Variants in GAB2 observed in about 807,000 individuals in gnomAD.
GAB2 encodes the protein GRB2 associated binding protein 2.
A neutral mutation model predicts 65.5 loss-of-function variants in GAB2; 26 were observed. That is an observed-to-expected ratio of 0.40 (90% CI 0.29 to 0.55). GAB2 has a LOEUF of 0.55. GAB2 is among the 20% of genes least tolerant of loss of function. The probability of loss-of-function intolerance (pLI) is 0.53; values close to 1 mark genes in which losing one functional copy is unlikely to be tolerated. For synonymous variants in GAB2, 321 were observed against 329.6 expected (o/e 0.97, Z 0.28); for missense variants, 884 against 875.8 (o/e 1.01, Z -0.12).
intron 2 of GAB2, among the ~76,000 whole-genome samples, chr11:78,261,737 A>C (rs928545431): frequency 3.9e-5 from 6 of 152,202 alleles, no homozygotes; most frequent in African/African-American, 1.4e-4. Flanking sequence ...GGCCAGCCCC[A>C]AAGGGTGGCC....
In GAB2 at chr11:78,364,529, C is replaced by G. The variant is rs562947594; in HGVS notation, c.75+53117G>C. ...TATTTTACTTTGAAAATACTGGTAG[C>G]AACTCATTACCATTGATTTCATCAC... On this transcript the variant is annotated intron_variant, in intron 1 of 9. Coordinates refer to ENST00000361507, the MANE Select transcript of GAB2 (RefSeq NM_080491.3). Among the ~76,000 whole-genome samples, 6 of 152,286 alleles carry G rather than the reference C, an allele frequency of 3.9e-5. No individual in the cohort carries two copies. In the East Asian group the frequency reaches 1.2e-3, roughly 29 times the overall value.
intron 2 of GAB2, among the ~76,000 whole-genome samples, chr11:78,272,365 A>C (rs969087445): frequency 1.3e-5 from 2 of 152,218 alleles, no homozygotes; most frequent in East Asian, 3.8e-4. Flanking sequence ...CATGGACAAT[A>C]AAGTCCAGGC....
At chr11:78,321,801 A>G (rs1855728992) in intron 1 of GAB2, among the ~76,000 whole-genome samples, 1 of 152,130 alleles carries the variant, frequency 6.6e-6, no homozygotes, top group African/African-American at 2.4e-5. Context: ...AGACATGTAG[A>G]CCAATGGAAC....
At chr11:78,371,078 G>A (rs958291391) in intron 1 of GAB2, among the ~76,000 whole-genome samples, 3 of 152,162 alleles carry the variant, frequency 2.0e-5, no homozygotes, top group Non-Finnish European at 2.9e-5. Context: ...GTTAGAAAAC[G>A]TGGCAAAAGC....
chr11:78,286,604 T>C (rs1866491809), intron 1 of GAB2, among the ~76,000 whole-genome samples: 1 of 150,632 alleles, frequency 6.6e-6, no homozygotes, highest in Non-Finnish European at 1.5e-5. Flanking sequence ...ATTCCATGAA[T>C]ATGTTAATTT....
At chr11:78,393,575 AT>A (rs1856859644) in intron 1 of GAB2, among the ~76,000 whole-genome samples, 1 of 152,240 alleles carries the variant, frequency 6.6e-6, no homozygotes, top group Non-Finnish European at 1.5e-5. Context: ...GGTATGATGC[AT>A]CAAAAAGCCT....
chr11:78,376,100 C>T (rs1009724137), intron 1 of GAB2, among the ~76,000 whole-genome samples: 2 of 152,180 alleles, frequency 1.3e-5, no homozygotes, highest in African/African-American at 4.8e-5. Flanking sequence ...CATATGTATA[C>T]GAACAGGACC....
intron 1 of GAB2, among the ~76,000 whole-genome samples, chr11:78,357,566 A>C (rs1249444309): frequency 6.6e-6 from 1 of 152,228 alleles, no homozygotes. Flanking sequence ...ACAAATTTAC[A>C]AGAAAAAAAC....
intron 1 of GAB2, among the ~76,000 whole-genome samples, chr11:78,416,342 C>CG (rs1279324699): frequency 6.6e-6 from 1 of 152,170 alleles, no homozygotes; most frequent in Non-Finnish European, 1.5e-5. Context: ...ACTTGTACTC[C>CG]GCAACAACAA....
At chr11:78,266,344 A>G (rs900940507) in intron 2 of GAB2, among the ~76,000 whole-genome samples, 20 of 151,740 alleles carry the variant, frequency 1.3e-4, no homozygotes, top group Non-Finnish European at 2.5e-4. Flanking sequence ...TCCTCCCCCA[A>G]TCCCAATCCC....
At chr11:78,241,547 C>G (rs984042079) in intron 3 of GAB2, among the ~76,000 whole-genome samples, 1 of 150,842 alleles carries the variant, frequency 6.6e-6, no homozygotes, top group African/African-American at 2.4e-5. Flanking sequence ...AGAAAACACA[C>G]ACAATTCAAA....
At chr11:78,228,792 A>C (rs1295135873) in intron 3 of GAB2, among the ~76,000 whole-genome samples, 1 of 148,226 alleles carries the variant, frequency 6.7e-6, no homozygotes, top group Non-Finnish European at 1.5e-5. Context: ...ATGATTGAAC[A>C]TCTAGGCTTT....
intron 1 of GAB2, among the ~76,000 whole-genome samples, chr11:78,406,034 T>G (rs1857039798): frequency 6.6e-6 from 1 of 152,176 alleles, no homozygotes; most frequent in African/African-American, 2.4e-5. Context: ...TCAGAGGTTG[T>G]CATGAGGCCA....
chr11:78,370,130 G>A (rs982480138), intron 1 of GAB2, among the ~76,000 whole-genome samples: 25 of 150,176 alleles, frequency 1.7e-4, no homozygotes, highest in African/African-American at 6.1e-4. Flanking sequence ...AGTGGCGGGC[G>A]CCTGTAGTCC....
At chr11:78,411,806 CG>C (rs1857132803) in intron 1 of GAB2, among the ~76,000 whole-genome samples, 1 of 151,342 alleles carries the variant, frequency 6.6e-6, no homozygotes, top group Non-Finnish European at 1.5e-5. Flanking sequence ...CCAAGGTGGG[CG>C]GATCACGAGG....
intron 1 of GAB2, among the ~76,000 whole-genome samples, chr11:78,363,088 T>C (rs866567354): frequency 4.6e-5 from 7 of 152,356 alleles, no homozygotes; most frequent in Non-Finnish European, 8.8e-5. Context: ...CAACTCAAGT[T>C]AACCTTCCTT....
chr11:78,309,844 G>A (rs1257926268), intron 1 of GAB2, among the ~76,000 whole-genome samples: 1 of 152,066 alleles, frequency 6.6e-6, no homozygotes, highest in Non-Finnish European at 1.5e-5. Flanking sequence ...AACAGAGAGA[G>A]ATCAAGGGTG....
chr11:78,267,132 G>A (rs1865893126), intron 2 of GAB2, among the ~76,000 whole-genome samples: 2 of 152,298 alleles, frequency 1.3e-5, no homozygotes, highest in Admixed American at 6.5e-5. Flanking sequence ...CTCCTGGGTG[G>A]GATCTGACAC....
chr11:78,394,505 A>T (rs1429343132), intron 1 of GAB2, among the ~76,000 whole-genome samples: 1 of 152,120 alleles, frequency 6.6e-6, no homozygotes, highest in African/African-American at 2.4e-5. Context: ...TACAGAGACT[A>T]GGGGTACCAA....
Sources: gnomAD v4.1 joint callset for allele counts (sites outside exome capture counted in the v4.1 genomes callset) on GRCh38, gnomAD v4.1.1 for gene constraint, MANE v1.5 for transcripts, NCBI Gene and HGNC (gene_info 2026-07-23, HGNC 2026-07-21) for gene names.